BRAF: variants seen among roughly 807,000 people sequenced by gnomAD.
The protein encoded by BRAF is B-Raf proto-oncogene, serine/threonine kinase.
A neutral mutation model predicts 104.6 loss-of-function variants in BRAF; 16 were observed. The ratio of observed to expected loss-of-function variants is 0.15; its 90% CI spans 0.10 to 0.23. The LOEUF (loss-of-function observed/expected upper bound fraction) is 0.23. BRAF is among the 10% of genes least tolerant of loss of function. The pLI is 1.00. For missense variants in BRAF, 541 were observed against 937.3 expected (o/e 0.58, Z 5.52); for synonymous variants, 310 against 341.6 (o/e 0.91, Z 1.02).
At chr7:140,898,304 G>T (rs2129125847) in intron 1 of BRAF, among the ~76,000 whole-genome samples, 1 of 151,752 alleles carries the variant, frequency 6.6e-6, no homozygotes, top group Admixed American at 6.6e-5. Flanking sequence ...AGAGTGGGAG[G>T]CCTGCCTCTT....
At chr7:140,832,313 T>G (rs530934164) in intron 3 of BRAF, among the ~76,000 whole-genome samples, 1 of 152,196 alleles carries the variant, frequency 6.6e-6, no homozygotes, top group Non-Finnish European at 1.5e-5. Flanking sequence ...GAAACATGTA[T>G]TTTGATAGAG....
rs188373742 is a variant in BRAF, at chr7:140,723,855, G to C, written c.*2639C>G. On this transcript the variant is annotated 3_prime_UTR_variant, in exon 20 of 20. Transcript: ENST00000644969. ...TTTCACAAATAAGGACTTCTTCCTC[G>C]TTTTTTTAGGAGCTCAGTAAGTCTA... The C allele has an allele frequency of 9.6e-7, 1 of 1,045,126 alleles. No individual in the cohort carries two copies. The highest frequency in any genetic ancestry group is 5.6e-5 in the Admixed American group (1 of 17,978). The allele number at this position is 1,045,126 out of a possible 1,614,324, so 64.7% of individuals were successfully genotyped here. A position where few individuals can be genotyped will look rare whatever the true frequency, so the allele number is the denominator to read the frequency against.
intron 19 of BRAF, among the ~76,000 whole-genome samples, chr7:140,726,977 T>C (rs765582517): frequency 3.3e-5 from 5 of 152,210 alleles, no homozygotes; most frequent in Non-Finnish European, 7.3e-5. Flanking sequence ...GTCAACTGAT[T>C]TGTTCACACC....
intron 14 of BRAF, among the ~76,000 whole-genome samples, chr7:140,761,472 T>C (rs1258319584): frequency 2.7e-5 from 4 of 149,762 alleles, no homozygotes; most frequent in Non-Finnish European, 4.5e-5. Context: ...AGGAAGAAAC[T>C]GCATCAACTA....
At position 140,725,354 on chromosome 7, in the gene BRAF, TG is replaced by T. The variant is rs1795541534; in HGVS notation, c.*1139del. ...CATATTTAGGTAGAGAAAAGGATAATGATCTTTCTTAAAAGTTGTTTATATA... is the reference window on the plus strand; with the variant it reads ...CATATTTAGGTAGAGAAAAGGATAATATCTTTCTTAAAAGTTGTTTATATA... On this transcript the variant is annotated 3_prime_UTR_variant, in exon 20 of 20. Transcript: ENST00000644969. The T allele has an allele frequency of 1.0e-6, 1 of 990,458 alleles. No individual in the cohort carries two copies. Among genetic ancestry groups the T allele is most frequent in the African/African-American group, 1.7e-5 (1 of 58,566 alleles). 61.4% of individuals were successfully genotyped at this position (990,458 alleles called of 1,614,324 possible).
intron 18 of BRAF, 81 bp downstream of exon 17, chr7:140,739,731 A>G (rs1796751332): frequency 4.3e-5 from 66 of 1,523,798 alleles, no homozygotes; most frequent in Non-Finnish European, 6.0e-5. Flanking sequence ...TGAAATACAC[A>G]CTGTGTGCCC....
chr7:140,911,360 T>A (rs1381240006), intron 1 of BRAF, among the ~76,000 whole-genome samples: 1 of 152,152 alleles, frequency 6.6e-6, no homozygotes, highest in Non-Finnish European at 1.5e-5. Context: ...TCTACCATAT[T>A]AAGACGACAC....
intron 1 of BRAF, among the ~76,000 whole-genome samples, chr7:140,911,527 A>G (rs561982141): frequency 5.9e-5 from 9 of 152,336 alleles, no homozygotes; most frequent in African/African-American, 2.2e-4. Flanking sequence ...GCATCAAACT[A>G]GGACTTGGAA....
At chr7:140,796,305 C>T (rs1802487015) in intron 7 of BRAF, among the ~76,000 whole-genome samples, 1 of 149,794 alleles carries the variant, frequency 6.7e-6, no homozygotes, top group African/African-American at 2.5e-5. Flanking sequence ...GAGCCAAGAT[C>T]ACGTCTCTGC....
At chr7:140,769,179 C>T (rs553945943) in intron 14 of BRAF, among the ~76,000 whole-genome samples, 55 of 151,760 alleles carry the variant, frequency 3.6e-4, no homozygotes, top group Middle Eastern at 3.4e-3. Flanking sequence ...TGGGTTCAAG[C>T]GATTCTGTTG....
chr7:140,872,694 A>C (rs1170506249), intron 1 of BRAF, among the ~76,000 whole-genome samples: 1 of 151,998 alleles, frequency 6.6e-6, no homozygotes, highest in East Asian at 1.9e-4. Flanking sequence ...ATCTCTACCA[A>C]AAATAAAAAA....
rs10250900 is a variant in BRAF at position 140,880,168 on chromosome 7, G to A, written c.139-29956C>T. 5.5e-3 allele frequency among the ~76,000 whole-genome samples: 841 copies of A among 152,322 alleles called. 6 individuals are homozygous for A. The highest frequency in any genetic ancestry group is 0.019 in the African/African-American group (800 of 41,560). ...AGAACTACTTTCAAACTTGGAGTCA[G>A]TCCTCTCAAATCTGCCAGTGCTTCA... On this transcript the variant is annotated intron_variant, in intron 1 of 19. Transcript: ENST00000644969.
At chr7:140,914,059 C>T (rs373765525) in intron 1 of BRAF, among the ~76,000 whole-genome samples, 1 of 152,096 alleles carries the variant, frequency 6.6e-6, no homozygotes, top group Non-Finnish European at 1.5e-5. Context: ...CTGTGCTAAG[C>T]ATATTGAACA....
At chr7:140,756,874 T>C (rs1246801203) in intron 14 of BRAF, among the ~76,000 whole-genome samples, 3 of 152,206 alleles carry the variant, frequency 2.0e-5, no homozygotes, top group African/African-American at 4.8e-5. Flanking sequence ...CAAAATCATC[T>C]GGTAAAATTT....
intron 1 of BRAF, among the ~76,000 whole-genome samples, chr7:140,882,391 T>TTTTTG (rs1563014522): frequency 1.4e-5 from 2 of 145,190 alleles, no homozygotes; most frequent in African/African-American, 2.5e-5. Flanking sequence ...TTTTTTTTTT[T>TTTTTG]GTGAGATGGA....
intron 1 of BRAF, among the ~76,000 whole-genome samples, chr7:140,865,102 CAG>C (rs1810810265): frequency 6.8e-6 from 1 of 147,420 alleles, no homozygotes; most frequent in Non-Finnish European, 1.5e-5. Flanking sequence ...TTTTCTGAGA[CAG>C]AGTCTCATTC....
chr7:140,777,493 G>A (rs559915378), intron 13 of BRAF, among the ~76,000 whole-genome samples: 7 of 151,886 alleles, frequency 4.6e-5, no homozygotes, highest in African/African-American at 9.7e-5. Flanking sequence ...TTTTTTTTCC[G>A]CACTCTGGAA....
chr7:140,789,291 G>A (rs1343467441), intron 8 of BRAF, among the ~76,000 whole-genome samples: 1 of 152,060 alleles, frequency 6.6e-6, no homozygotes, highest in Middle Eastern at 3.2e-3. Context: ...TACTGGTAAT[G>A]CAATTTGGGC....
In BRAF at chr7:140,720,609, T is replaced by C; in HGVS notation, c.*5885A>G. 9.4e-7 allele frequency: 1 copy of C among 1,065,724 alleles called. No individual in the cohort carries two copies. The highest frequency in any genetic ancestry group is 1.1e-6 in the Non-Finnish European group (1 of 879,612). 66.0% of individuals were successfully genotyped at this position (1,065,724 alleles called of 1,614,324 possible). A position where few individuals can be genotyped will look rare whatever the true frequency, so the allele number is the denominator to read the frequency against. ...CACTCTTACATTTGATTTCAGGTAA[T>C]TACAGTTTATTTCCCACCCTCACAT... On this transcript the variant is annotated 3_prime_UTR_variant, in exon 20 of 20. Transcript: ENST00000644969.
Sources: allele counts gnomAD v4.1 joint callset (sites outside exome capture counted in the v4.1 genomes callset), GRCh38; gene constraint gnomAD v4.1.1; transcripts MANE v1.5; gene names NCBI Gene and HGNC (gene_info 2026-07-23, HGNC 2026-07-21).